Variants in PARD3B observed in about 807,000 individuals in gnomAD.
The protein encoded by PARD3B is partitioning defective 3 homolog B.
PARD3B carries 103 observed loss-of-function variants against 130.2 expected under a neutral mutation model. The observed-to-expected ratio is 0.79, with a 90% confidence interval of 0.67 to 0.93. The LOEUF (loss-of-function observed/expected upper bound fraction) is 0.93, where lower values mean the gene tolerates loss of function less well. Among genes scored for constraint, PARD3B ranks in the 40% least tolerant of loss-of-function variants. The pLI is 0.00. For synonymous variants in PARD3B, 583 were observed against 553.2 expected (o/e 1.05, Z -0.76); for missense variants, 1,609 against 1,499.2 (o/e 1.07, Z -1.21).
intron 2 of PARD3B, among the ~76,000 whole-genome samples, chr2:204,709,187 G>C (rs552052904): frequency 6.6e-6 from 1 of 152,080 alleles, no homozygotes; most frequent in Non-Finnish European, 1.5e-5. Context: ...AAAAATGCTT[G>C]TATAGTCCCA....
In PARD3B at chr2:205,301,467, G is replaced by A. The variant is rs1003111354; in HGVS notation, c.2396G>A (p.Gly799Asp). Reference protein sequence around the residue: ...YDGPEEIEADGLSDKSSHSGQ... With the variant: ...YDGPEEIEADDLSDKSSHSGQ... The stretch of plus-strand genomic sequence containing the variant: ...TGATTATTTTTTCTCTGTACAGACG[G>A]TCTGTCTGATAAGAGCTCTCACTCT... Residue 799 changes from glycine (G) to aspartate (D), a missense_variant, in exon 18 of 23, where the codon GGT becomes GAT. Physicochemically the swap from Gly to Asp is moderately conservative, Grantham distance 94 (BLOSUM62 -1). Transcript: ENST00000406610. The surrounding 1 kb of genome is among the most constrained non-coding windows in gnomAD (Gnocchi z 5.2). The A allele has an allele frequency of 3.7e-6, 6 of 1,609,874 alleles. No individual in the cohort carries two copies. Among genetic ancestry groups the A allele is most frequent in the Middle Eastern group, 1.7e-4 (1 of 6,044 alleles).
chr2:205,337,413 T>A (rs1282744421), intron 18 of PARD3B, among the ~76,000 whole-genome samples: 2 of 152,222 alleles, frequency 1.3e-5, no homozygotes, highest in African/African-American at 4.8e-5. Context: ...CAATTCAATA[T>A]TTATATCTGT....
At position 205,014,295 on chromosome 2, in the gene PARD3B, A is replaced by G. The variant is rs995105399; in HGVS notation, c.395-33286A>G. On this transcript the variant is annotated intron_variant, in intron 3 of 22. Coordinates refer to ENST00000406610, the MANE Select transcript of PARD3B (RefSeq NM_001302769.2). ...ACCGTGGCTGCTTTAACCTCTCTGC[A>G]GGGGCAAGTACATTTCTGTCATTCT... Among the ~76,000 whole-genome samples the G allele has an allele frequency of 5.3e-5, 8 of 152,192 alleles. No individual in the cohort carries two copies. The East Asian group carries it at 1.2e-3, about 22-fold the overall frequency.
intron 2 of PARD3B, among the ~76,000 whole-genome samples, chr2:204,763,855 G>A (rs2041015034): frequency 6.6e-6 from 1 of 152,178 alleles, no homozygotes; most frequent in Admixed American, 6.5e-5. Context: ...GTGTATGATT[G>A]TTGATTAGAC....
chr2:204,845,902 G>A (rs1274435008), intron 2 of PARD3B, among the ~76,000 whole-genome samples: 2 of 151,970 alleles, frequency 1.3e-5, no homozygotes, highest in African/African-American at 4.8e-5. Flanking sequence ...TGACATATAT[G>A]CCTATATAAA....
At chr2:204,874,723 A>G (rs928538051) in intron 2 of PARD3B, among the ~76,000 whole-genome samples, 5 of 152,184 alleles carry the variant, frequency 3.3e-5, no homozygotes, top group African/African-American at 1.2e-4. Context: ...CTAAGTTGCC[A>G]TGTGCCTCTT....
chr2:204,615,610 G>T (rs1008275905), intron 1 of PARD3B, among the ~76,000 whole-genome samples: 9 of 152,032 alleles, frequency 5.9e-5, no homozygotes, highest in Non-Finnish European at 1.3e-4. Context: ...TTTTACGTTG[G>T]CAATGAGCAC....
intron 2 of PARD3B, among the ~76,000 whole-genome samples, chr2:204,851,421 A>G (rs904536059): frequency 1.3e-5 from 2 of 152,198 alleles, no homozygotes; most frequent in Admixed American, 1.3e-4. Context: ...TGAGTAGAGT[A>G]CTGTTAAACT....
rs2040377273 is a variant in PARD3B, at chr2:205,263,077, A to G, written c.2185+17255A>G. ...GGTAATTTATGAATCTGGAGAAATA[A>G]CAGAGTAAGAAGAGATGAAGGAAAA... On this transcript the variant is annotated intron_variant, in intron 16 of 22. Coordinates refer to ENST00000406610, the MANE Select transcript of PARD3B (RefSeq NM_001302769.2). The surrounding 1 kb of genome is among the most constrained non-coding windows in gnomAD (Gnocchi z 4.0). Among the ~76,000 whole-genome samples, 2 of 152,058 alleles carry G rather than the reference A, an allele frequency of 1.3e-5. No homozygotes were observed. The highest frequency in any genetic ancestry group is 4.8e-5 in the African/African-American group (2 of 41,420).
At chr2:204,914,028 A>G (rs560823969) in intron 2 of PARD3B, among the ~76,000 whole-genome samples, 1 of 152,254 alleles carries the variant, frequency 6.6e-6, no homozygotes, top group African/African-American at 2.4e-5. Context: ...GGTAGTGATG[A>G]GACAGCTAAG....
At chr2:205,442,337 C>T (rs1213097656) in intron 20 of PARD3B, among the ~76,000 whole-genome samples, 2 of 118,816 alleles carry the variant, frequency 1.7e-5, no homozygotes, top group South Asian at 2.7e-4. Flanking sequence ...CTCACTCTGT[C>T]GACCAGGCTG....
intron 21 of PARD3B, among the ~76,000 whole-genome samples, chr2:205,532,058 C>A (rs2051621763): frequency 6.6e-6 from 1 of 152,068 alleles, no homozygotes; most frequent in African/African-American, 2.4e-5. Flanking sequence ...AAATGGTGAC[C>A]AGAATCTGCG....
intron 16 of PARD3B, among the ~76,000 whole-genome samples, chr2:205,285,626 C>T (rs1256914656): frequency 6.6e-6 from 1 of 152,168 alleles, no homozygotes; most frequent in Non-Finnish European, 1.5e-5. Context: ...GGGCTTGCTG[C>T]CCCTTGGCAG....
intron 2 of PARD3B, among the ~76,000 whole-genome samples, chr2:204,895,642 G>T (rs1486353937): frequency 5.9e-5 from 9 of 151,926 alleles, no homozygotes. Context: ...AACTTAGTGA[G>T]CTCCCCCGCC....
intron 18 of PARD3B, among the ~76,000 whole-genome samples, chr2:205,380,516 A>G (rs1268638853): frequency 1.7e-5 from 1 of 58,234 alleles, no homozygotes; most frequent in African/African-American, 1.0e-4. Flanking sequence ...TATATAATAT[A>G]TAAAGAATAT....
At chr2:205,310,714 T>C (rs1418660729) in intron 18 of PARD3B, among the ~76,000 whole-genome samples, 1 of 117,524 alleles carries the variant, frequency 8.5e-6, no homozygotes, top group Admixed American at 1.2e-4. Flanking sequence ...TTTCTTTCTT[T>C]CTTTCTTTTT....
chr2:205,119,773 C>G (rs1215939945), intron 7 of PARD3B, among the ~76,000 whole-genome samples: 1 of 152,088 alleles, frequency 6.6e-6, no homozygotes, highest in African/African-American at 2.4e-5. Flanking sequence ...CAGGGAGAAA[C>G]TCCGTCTTCA....
chr2:205,121,145 G>A lies in PARD3B; in HGVS notation c.807-446G>A, dbSNP rs2030661447. 6.6e-6 allele frequency among the ~76,000 whole-genome samples: 1 copy of A among 152,170 alleles called. No individual in the cohort carries two copies. The highest frequency in any genetic ancestry group is 1.5e-5 in the Non-Finnish European group (1 of 68,022). On this transcript the variant is annotated intron_variant, in intron 7 of 22. Transcript: ENST00000406610. The surrounding 1 kb of genome is among the most constrained non-coding windows in gnomAD (Gnocchi z 5.0). Reference sequence around the variant, plus strand: ...CATGTTAGAGAAGATCTGTACTTTAGAAGGATGTCCTAAAAGAAACCTAAC... The same window carrying A: ...CATGTTAGAGAAGATCTGTACTTTAAAAGGATGTCCTAAAAGAAACCTAAC...
intron 21 of PARD3B, among the ~76,000 whole-genome samples, chr2:205,543,871 CT>C (rs1344656932): frequency 6.6e-6 from 1 of 152,078 alleles, no homozygotes; most frequent in African/African-American, 2.4e-5. Flanking sequence ...TATGTTTGGT[CT>C]TTATAAATGG....
Sources: allele counts gnomAD v4.1 joint callset (sites outside exome capture counted in the v4.1 genomes callset), GRCh38; gene constraint gnomAD v4.1.1; non-coding constraint Gnocchi (gnomAD v3.1); transcripts MANE v1.5; gene names NCBI Gene and HGNC (gene_info 2026-07-23, HGNC 2026-07-21).